The following ROBO2 variants were observed in gnomAD, a reference collection of about 807,000 sequenced individuals.
The protein encoded by ROBO2 is roundabout guidance receptor 2.
Under a neutral mutation model 160.8 loss-of-function variants are expected in ROBO2, and 53 were observed. The observed-to-expected ratio is 0.33, with a 90% CI of 0.26 to 0.41. The LOEUF is 0.41. Ranked by LOEUF, ROBO2 falls within the 10% of genes least tolerant of loss-of-function variation. The probability of loss-of-function intolerance (pLI) is 1.00; values close to 1 mark genes in which losing one functional copy is unlikely to be tolerated. For synonymous variants in ROBO2, 664 were observed against 611.7 expected, an observed-to-expected ratio of 1.09 and a Z score of -1.26; for missense variants, 1,577 against 1,722.4, an observed-to-expected ratio of 0.92 and a Z score of 1.49.
chr3:77,339,904 A>AT (rs1465118016), intron 2 of ROBO2, among the ~76,000 whole-genome samples: 8 of 152,114 alleles, frequency 5.3e-5, no homozygotes, highest in Non-Finnish European at 7.4e-5. Flanking sequence ...TCTACCAGAT[A>AT]GCTACTTTTT....
chr3:77,124,912 TC>T (rs2075170048), intron 2 of ROBO2, among the ~76,000 whole-genome samples: 1 of 152,002 alleles, frequency 6.6e-6, no homozygotes, highest in Admixed American at 6.6e-5. Flanking sequence ...CCCCTTTCTT[TC>T]CTTTTTCCTC....
rs145500145 is a variant in ROBO2 at position 76,233,144 on chromosome 3, T to C, written c.109+295542T>C. On this transcript the variant is annotated intron_variant, in intron 2 of 26. Coordinates refer to the ROBO2 transcript ENST00000487694. The stretch of plus-strand genomic sequence containing the variant: ...TTTACTGCCAGGTGTTATTCTATTT[T>C]TTTTTAATTTTATTTTTCAGGTAAA... Among the ~76,000 whole-genome samples, 547 of 152,242 alleles carry C rather than the reference T, an allele frequency of 3.6e-3. 7 individuals carry two copies. Among genetic ancestry groups the C allele is most frequent in the Admixed American group, 0.025 (380 of 15,268 alleles).
chr3:76,541,632 A>G (rs1578018817), intron 2 of ROBO2, among the ~76,000 whole-genome samples: 1 of 152,308 alleles, frequency 6.6e-6, no homozygotes, highest in East Asian at 1.9e-4. Flanking sequence ...GTTTTGTTGG[A>G]TCCCACTGAT....
intron 2 of ROBO2, among the ~76,000 whole-genome samples, chr3:76,758,226 T>G (rs2061097744): frequency 6.6e-6 from 1 of 151,796 alleles, no homozygotes; most frequent in Admixed American, 6.6e-5. Context: ...CATCCATTCC[T>G]GCAGCACTTT....
intron 2 of ROBO2, among the ~76,000 whole-genome samples, chr3:76,046,361 C>T (rs1453979508): frequency 6.6e-6 from 1 of 151,944 alleles, no homozygotes; most frequent in Non-Finnish European, 1.5e-5. Context: ...TCAAAAAATG[C>T]CTAACTGGCC....
chr3:76,054,391 A>G (rs541802773), intron 2 of ROBO2, among the ~76,000 whole-genome samples: 41 of 152,204 alleles, frequency 2.7e-4, no homozygotes, highest in Non-Finnish European at 4.4e-4. Flanking sequence ...ATAAACTTCT[A>G]AAAGTAGTAG....
chr3:76,009,937 C>A (rs2066145239), intron 2 of ROBO2, among the ~76,000 whole-genome samples: 1 of 151,820 alleles, frequency 6.6e-6, no homozygotes, highest in Non-Finnish European at 1.5e-5. Context: ...TTAGCTTTTG[C>A]TATTTTTTTT....
chr3:75,954,835 G>A (rs1163728408), intron 2 of ROBO2, among the ~76,000 whole-genome samples: 1 of 151,792 alleles, frequency 6.6e-6, no homozygotes, highest in Non-Finnish European at 1.5e-5. Flanking sequence ...GAAAAACTTA[G>A]CATAAGACCA....
chr3:76,696,436 G>A (rs570070770), intron 2 of ROBO2, among the ~76,000 whole-genome samples: 12 of 150,812 alleles, frequency 8.0e-5, no homozygotes, highest in East Asian at 3.9e-4. Context: ...GCTCCCATAC[G>A]AAGGGAGGGG....
At chr3:76,034,988 CTTCTCTCT>C (rs922774669) in intron 2 of ROBO2, among the ~76,000 whole-genome samples, 31 of 152,164 alleles carry the variant, frequency 2.0e-4, no homozygotes, top group African/African-American at 4.8e-4. Context: ...AAGAACAGTG[CTTCTCTCT>C]TTAACCTTCG....
intron 2 of ROBO2, among the ~76,000 whole-genome samples, chr3:76,714,711 G>C (rs374149020): frequency 3.3e-5 from 5 of 152,056 alleles, no homozygotes; most frequent in African/African-American, 1.2e-4. Flanking sequence ...GACTTAAGTA[G>C]GATAAAGATA....
At chr3:76,142,502 A>G (rs2071710549) in intron 2 of ROBO2, among the ~76,000 whole-genome samples, 1 of 152,070 alleles carries the variant, frequency 6.6e-6, no homozygotes, top group Non-Finnish European at 1.5e-5. Context: ...AGATCCAGTC[A>G]TTTGCAACAA....
intron 2 of ROBO2, among the ~76,000 whole-genome samples, chr3:76,805,678 G>A (rs973976440): frequency 1.0e-3 from 6 of 6,014 alleles, no homozygotes; most frequent in South Asian, 0.013. Flanking sequence ...ATACGTGTGT[G>A]TGTGTGTGTG....
intron 5 of ROBO2, among the ~76,000 whole-genome samples, chr3:77,516,068 C>A (rs943801416): frequency 1.1e-4 from 16 of 151,534 alleles, no homozygotes; most frequent in Non-Finnish European, 1.9e-4. Context: ...ATTGGATTAG[C>A]TGAATATTTT....
chr3:77,204,236 G>A (rs2083194638), intron 2 of ROBO2, among the ~76,000 whole-genome samples: 1 of 152,122 alleles, frequency 6.6e-6, no homozygotes, highest in African/African-American at 2.4e-5. Context: ...CTCTGAACCT[G>A]CTTCCTCACA....
intron 2 of ROBO2, among the ~76,000 whole-genome samples, chr3:76,179,831 G>C (rs947365669): frequency 6.6e-6 from 1 of 152,048 alleles, no homozygotes; most frequent in Non-Finnish European, 1.5e-5. Context: ...TTGATGGAAG[G>C]GGGGTTGGTA....
chr3:76,376,091 T>A (rs903080407), intron 2 of ROBO2, among the ~76,000 whole-genome samples: 23 of 152,148 alleles, frequency 1.5e-4, no homozygotes, highest in African/African-American at 4.6e-4. Flanking sequence ...GCAAAGTACT[T>A]ATCATATTTG....
intron 2 of ROBO2, among the ~76,000 whole-genome samples, chr3:77,268,092 C>T (rs2059253089): frequency 1.3e-5 from 2 of 152,166 alleles, no homozygotes; most frequent in Admixed American, 1.3e-4. Flanking sequence ...TTTGAGCTTG[C>T]TGAATTCTAT....
At chr3:76,476,855 T>A (rs561480802) in intron 2 of ROBO2, among the ~76,000 whole-genome samples, 80 of 152,286 alleles carry the variant, frequency 5.3e-4, no homozygotes, top group Middle Eastern at 3.4e-3. Flanking sequence ...AAAAAATGAT[T>A]TTATAGAACA....
Sources: allele counts gnomAD v4.1 joint callset (sites outside exome capture counted in the v4.1 genomes callset), GRCh38; gene constraint gnomAD v4.1.1; transcripts MANE v1.5; gene names NCBI Gene and HGNC (gene_info 2026-07-23, HGNC 2026-07-21).